Variants in PLCE1 observed in about 807,000 individuals in gnomAD.
The protein encoded by PLCE1 is phospholipase C epsilon 1, also known as 1-phosphatidylinositol 4,5-bisphosphate phosphodiesterase epsilon-1.
In PLCE1, 119 loss-of-function variants were observed where a neutral mutation model predicts 242.8. The ratio of observed to expected loss-of-function variants is 0.49; its 90% CI spans 0.42 to 0.57. The LOEUF is 0.57. Ranked by LOEUF, PLCE1 falls within the 20% of genes least tolerant of loss-of-function variation. The pLI is 0.00. For missense variants in PLCE1, 2,441 were observed against 2,788.8 expected, an observed-to-expected ratio of 0.88 and a Z score of 2.81; for synonymous variants, 945 against 1,017.4, an observed-to-expected ratio of 0.93 and a Z score of 1.35.
chr10:94,242,709 C>T (rs892704135), intron 7 of PLCE1, among the ~76,000 whole-genome samples: 5 of 152,030 alleles, frequency 3.3e-5, no homozygotes, highest in African/African-American at 1.2e-4. Context: ...ACAAGGTGAG[C>T]CTGGAGCATG....
At chr10:94,304,344 A>T in intron 24 of PLCE1, 138 bp from the exon 25 acceptor site, 1 of 804,184 alleles carries the variant, frequency 1.2e-6, no homozygotes, top group South Asian at 1.4e-5. Context: ...CTGTGGGACG[A>T]ATGGGTGATT....
At chr10:94,160,123 G>C (rs891112865) in intron 3 of PLCE1, among the ~76,000 whole-genome samples, 18 of 152,072 alleles carry the variant, frequency 1.2e-4, no homozygotes, top group African/African-American at 4.3e-4. Context: ...TAATCCTCTG[G>C]GTATATACCC....
intron 2 of PLCE1, chr10:94,089,343 T>C: frequency 6.2e-7 from 1 of 1,611,552 alleles, no homozygotes; most frequent in South Asian, 1.1e-5. Flanking sequence ...TGTTAAAGGA[T>C]GGATGTGGAT....
chr10:94,321,745 T>C (rs1021832868), intron 29 of PLCE1, among the ~76,000 whole-genome samples, 156 bp from the exon 30 acceptor site: 98 of 152,198 alleles, frequency 6.4e-4, no homozygotes, highest in Admixed American at 1.2e-3. Flanking sequence ...GGTATATCCT[T>C]TTAGAACAGT....
At chr10:94,089,877 T>C (rs1395768736) in intron 2 of PLCE1, among the ~76,000 whole-genome samples, 3 of 152,240 alleles carry the variant, frequency 2.0e-5, no homozygotes, top group African/African-American at 7.2e-5. Flanking sequence ...GAAGTAGTTA[T>C]AGTTTTTTTT....
chr10:94,129,075 G>A (rs147510727), intron 2 of PLCE1, among the ~76,000 whole-genome samples: 70 of 152,304 alleles, frequency 4.6e-4, no homozygotes, highest in African/African-American at 1.6e-3. Flanking sequence ...CCCTACATTA[G>A]GCACTTGTTG....
intron 31 of PLCE1, 90 bp from the exon 32 acceptor site, chr10:94,324,802 G>A (rs1016231573): frequency 7.0e-5 from 93 of 1,330,308 alleles, no homozygotes; most frequent in Non-Finnish European, 8.8e-5. Flanking sequence ...GCTCTAGAGA[G>A]AAGAGGAAAG....
chr10:94,170,674 A>G (rs1397941073), intron 3 of PLCE1, among the ~76,000 whole-genome samples: 3 of 152,216 alleles, frequency 2.0e-5, no homozygotes, highest in African/African-American at 4.8e-5. Context: ...GGCAGAGAAT[A>G]CCATGACATT....
intron 4 of PLCE1, among the ~76,000 whole-genome samples, chr10:94,195,343 C>G (rs2048786989): frequency 6.6e-6 from 1 of 152,102 alleles, no homozygotes; most frequent in Non-Finnish European, 1.5e-5. Context: ...AGGGCTCTTC[C>G]AGTTCTAGGA....
chr10:94,090,937 T>G (rs2045043620), intron 2 of PLCE1, among the ~76,000 whole-genome samples: 1 of 152,176 alleles, frequency 6.6e-6, no homozygotes, highest in Non-Finnish European at 1.5e-5. Context: ...ATTCCAAGAG[T>G]TAAAACATGC....
chr10:94,106,027 A>C (rs1006558710), intron 2 of PLCE1: 1 of 152,226 alleles, frequency 6.6e-6, no homozygotes, highest in African/African-American at 2.4e-5. Context: ...TTACCTCTCT[A>C]TGATCACACT....
chr10:94,228,645 G>C (rs1319589654), intron 5 of PLCE1, among the ~76,000 whole-genome samples: 1 of 152,030 alleles, frequency 6.6e-6, no homozygotes, highest in Non-Finnish European at 1.5e-5. Context: ...CCCTAGGTAG[G>C]GATTCTGGGT....
chr10:94,191,144 T>TCA (rs2048651765), intron 4 of PLCE1, among the ~76,000 whole-genome samples: 1 of 152,162 alleles, frequency 6.6e-6, no homozygotes, highest in African/African-American at 2.4e-5. Flanking sequence ...GATTATCATA[T>TCA]TACCCTGAGC....
In PLCE1 at chr10:94,039,601, G is replaced by A. The variant is rs558556212; in HGVS notation, c.1206+7349G>A. On this transcript the variant is annotated intron_variant, in intron 2 of 32. Coordinates refer to ENST00000371380, the MANE Select transcript of PLCE1 (RefSeq NM_016341.4). Reference sequence around the variant, plus strand: ...GGGTGTCACCATGTTGGCCAGGCTGGTCTCAAACTCCTGACCTCAGGTGAT... The same window carrying A: ...GGGTGTCACCATGTTGGCCAGGCTGATCTCAAACTCCTGACCTCAGGTGAT... Among the ~76,000 whole-genome samples, 10 of 152,256 alleles carry A rather than the reference G, an allele frequency of 6.6e-5. No individual in the cohort carries two copies. In the East Asian group the frequency reaches 1.7e-3, roughly 26 times the overall value.
intron 2 of PLCE1, among the ~76,000 whole-genome samples, chr10:94,064,319 G>A (rs1269317974): frequency 6.6e-6 from 1 of 152,232 alleles, no homozygotes; most frequent in African/African-American, 2.4e-5. Context: ...GGGAGGCTGA[G>A]GTAGGTGGAT....
At chr10:94,213,154 T>C (rs1308528384) in intron 4 of PLCE1, among the ~76,000 whole-genome samples, 1 of 152,210 alleles carries the variant, frequency 6.6e-6, no homozygotes, top group Non-Finnish European at 1.5e-5. Context: ...ACATTCACTG[T>C]TTATATCTTA....
intron 1 of PLCE1, among the ~76,000 whole-genome samples, chr10:94,002,033 G>T (rs2060941789): frequency 6.6e-6 from 1 of 152,046 alleles, no homozygotes; most frequent in Admixed American, 6.6e-5. Context: ...CTGTGCTTGA[G>T]GTTTTTCTTT....
At chr10:94,327,695 T>G (rs1028990156) in intron 32 of PLCE1, among the ~76,000 whole-genome samples, 3 of 152,242 alleles carry the variant, frequency 2.0e-5, no homozygotes, top group Admixed American at 6.5e-5. Flanking sequence ...TTCCACCTTT[T>G]CTTAAAGTTG....
chr10:94,258,963 C>G (rs759496383), intron 12 of PLCE1, 41 bp downstream of exon 12: 1 of 1,613,918 alleles, frequency 6.2e-7, no homozygotes, highest in African/African-American at 1.3e-5. Flanking sequence ...CTCAGGCCCC[C>G]CCATTTCTAT....
Sources: allele counts gnomAD v4.1 joint callset (sites outside exome capture counted in the v4.1 genomes callset), GRCh38; gene constraint gnomAD v4.1.1; transcripts MANE v1.5; gene names NCBI Gene and HGNC (gene_info 2026-07-23, HGNC 2026-07-21).